MMP16: variants seen among roughly 807,000 people sequenced by gnomAD.
The protein encoded by MMP16 is matrix metallopeptidase 16, also known as matrix metalloproteinase-16.
MMP16 carries 12 observed loss-of-function variants against 67.8 expected under a neutral mutation model. The ratio of observed to expected loss-of-function variants is 0.18; its 90% CI spans 0.11 to 0.29. The LOEUF is 0.29. MMP16 is among the 10% of genes least tolerant of loss of function. MMP16 has a pLI of 1.00. For synonymous variants in MMP16, 249 were observed against 255.9 expected, an observed-to-expected ratio of 0.97 and a Z score of 0.26; for missense variants, 475 against 765.7, an observed-to-expected ratio of 0.62 and a Z score of 4.48.
At chr8:88,300,515 T>A (rs933570413) in intron 1 of MMP16, among the ~76,000 whole-genome samples, 1 of 152,236 alleles carries the variant, frequency 6.6e-6, no homozygotes, top group Non-Finnish European at 1.5e-5. Flanking sequence ...TGTTATCAGA[T>A]CACCCGTTGT....
Position 88,039,652 on chromosome 8 carries a change from C to T in MMP16, c.*1809G>A, listed in dbSNP as rs1446006327. ...CTGTTCATTGTTTCAAAAGCTAATCCCCTCAAAGCTGGCTTTCACACAAAG... is the reference window on the plus strand; with the variant it reads ...CTGTTCATTGTTTCAAAAGCTAATCTCCTCAAAGCTGGCTTTCACACAAAG... On this transcript the variant is annotated 3_prime_UTR_variant, in exon 10 of 10. Coordinates refer to ENST00000286614, the MANE Select transcript of MMP16 (RefSeq NM_005941.5). The surrounding 1 kb of genome is among the most constrained non-coding windows in gnomAD (Gnocchi z 4.5). The T allele has an allele frequency of 6.6e-6, 1 of 152,572 alleles. No homozygotes were observed. The highest frequency in any genetic ancestry group is 1.5e-5 in the Non-Finnish European group (1 of 68,036). 9.5% of individuals were successfully genotyped at this position (152,572 alleles called of 1,614,324 possible). A position where few individuals can be genotyped will look rare whatever the true frequency, so the allele number is the denominator to read the frequency against.
chr8:88,249,174 T>C (rs868520999), intron 1 of MMP16, among the ~76,000 whole-genome samples: 2 of 151,702 alleles, frequency 1.3e-5, no homozygotes, highest in South Asian at 4.2e-4. Context: ...CAAAATGTCA[T>C]GCAGCATGCC....
intron 6 of MMP16, among the ~76,000 whole-genome samples, chr8:88,114,822 T>C (rs577450648): frequency 4.2e-4 from 64 of 152,108 alleles, no homozygotes; most frequent in African/African-American, 1.4e-3. Context: ...CAGGCCTTAG[T>C]TATATTTTTT....
chr8:88,043,945 T>C (rs931636494), intron 9 of MMP16, among the ~76,000 whole-genome samples: 2 of 152,216 alleles, frequency 1.3e-5, no homozygotes, highest in Non-Finnish European at 2.9e-5. Context: ...TGAATGTACT[T>C]CTTATATCTA....
At chr8:88,131,313 T>C (rs1808026227) in intron 4 of MMP16, among the ~76,000 whole-genome samples, 1 of 148,814 alleles carries the variant, frequency 6.7e-6, no homozygotes, top group African/African-American at 2.5e-5. Context: ...ATAAATTTCA[T>C]CACCTAAACT....
chr8:88,095,591 A>G (rs1181197020), intron 6 of MMP16, among the ~76,000 whole-genome samples: 1 of 151,866 alleles, frequency 6.6e-6, no homozygotes, highest in East Asian at 1.9e-4. Flanking sequence ...TTGAAAGATG[A>G]ACAATACCAC....
At chr8:88,324,154 G>GTAGT (rs1811502924) in intron 1 of MMP16, among the ~76,000 whole-genome samples, 1 of 152,068 alleles carries the variant, frequency 6.6e-6, no homozygotes, top group African/African-American at 2.4e-5. Flanking sequence ...ACTACTCCTG[G>GTAGT]TAGTGTCTGA....
At chr8:88,291,557 T>C (rs140089068) in intron 1 of MMP16, among the ~76,000 whole-genome samples, 44 of 152,260 alleles carry the variant, frequency 2.9e-4, no homozygotes, top group African/African-American at 1.0e-3. Context: ...AGTTAAAAAG[T>C]AAACTCAGTG....
chr8:88,064,376 T>A (rs1037000026), intron 7 of MMP16, among the ~76,000 whole-genome samples: 1 of 152,138 alleles, frequency 6.6e-6, no homozygotes, highest in African/African-American at 2.4e-5. Context: ...AACATTTTTA[T>A]AAATAATCAA....
At chr8:88,207,869 T>A (rs557706772) in intron 1 of MMP16, among the ~76,000 whole-genome samples, 1 of 152,274 alleles carries the variant, frequency 6.6e-6, no homozygotes, top group Non-Finnish European at 1.5e-5. Context: ...CTATAGATTA[T>A]AACATGATTT....
chr8:88,158,590 A>G (rs374443485), intron 4 of MMP16, among the ~76,000 whole-genome samples: 6 of 152,186 alleles, frequency 3.9e-5, no homozygotes, highest in Non-Finnish European at 8.8e-5. Context: ...GGTAGATTGC[A>G]AAAATTTTCT....
rs868832212 is a variant in MMP16, at chr8:88,228,476, T to A, written c.133-31170A>T. Among the ~76,000 whole-genome samples, 5 of 152,012 alleles carry A rather than the reference T, an allele frequency of 3.3e-5. No individual in the cohort carries two copies. The South Asian group carries it at 6.2e-4, about 19-fold the overall frequency. ...TATGTGAAATGTTAATGGAAAAATATCAGGAAAAATATATATGTTACCAAT... is the reference window on the plus strand; with the variant it reads ...TATGTGAAATGTTAATGGAAAAATAACAGGAAAAATATATATGTTACCAAT... On this transcript the variant is annotated intron_variant, in intron 1 of 9. Coordinates refer to ENST00000286614, the MANE Select transcript of MMP16 (RefSeq NM_005941.5).
chr8:88,254,004 C>T (rs1451133639), intron 1 of MMP16, among the ~76,000 whole-genome samples: 4 of 152,096 alleles, frequency 2.6e-5, no homozygotes, highest in South Asian at 2.1e-4. Flanking sequence ...TAAAGACACA[C>T]GTATATGTAT....
At chr8:88,306,821 T>C (rs1194279984) in intron 1 of MMP16, among the ~76,000 whole-genome samples, 1 of 152,158 alleles carries the variant, frequency 6.6e-6, no homozygotes, top group Non-Finnish European at 1.5e-5. Context: ...ACAGCCAGTA[T>C]CATACTAAAT....
At chr8:88,266,428 T>C (rs1810477743) in intron 1 of MMP16, among the ~76,000 whole-genome samples, 1 of 152,144 alleles carries the variant, frequency 6.6e-6, no homozygotes, top group Non-Finnish European at 1.5e-5. Context: ...TCATTGGTGG[T>C]TTTGGAGATT....
intron 6 of MMP16, among the ~76,000 whole-genome samples, chr8:88,102,710 C>T (rs1448311860): frequency 1.3e-5 from 2 of 151,810 alleles, no homozygotes; most frequent in African/African-American, 2.4e-5. Context: ...TGCCAGCTGT[C>T]AGTCAACTCA....
At chr8:88,158,481 C>A (rs1319696429) in intron 4 of MMP16, among the ~76,000 whole-genome samples, 2 of 152,068 alleles carry the variant, frequency 1.3e-5, no homozygotes, top group Admixed American at 6.6e-5. Context: ...TGAGAAGTGT[C>A]GATTCATATC....
At chr8:88,222,448 C>T (rs921618750) in intron 1 of MMP16, among the ~76,000 whole-genome samples, 7 of 152,092 alleles carry the variant, frequency 4.6e-5, no homozygotes, top group Non-Finnish European at 7.4e-5. Context: ...TCAAACTATA[C>T]CACAAGGCTA....
At chr8:88,112,815 A>G (rs879437353) in intron 6 of MMP16, among the ~76,000 whole-genome samples, 7 of 151,818 alleles carry the variant, frequency 4.6e-5, no homozygotes, top group Non-Finnish European at 1.0e-4. Flanking sequence ...GAAGCTCACA[A>G]CCAAAAAGCA....
Sources: gnomAD v4.1 joint callset for allele counts (sites outside exome capture counted in the v4.1 genomes callset) on GRCh38, gnomAD v4.1.1 for gene constraint, Gnocchi (gnomAD v3.1) non-coding constraint, MANE v1.5 for transcripts, NCBI Gene and HGNC (gene_info 2026-07-23, HGNC 2026-07-21) for gene names.